Variants in SLIT3 observed in about 807,000 individuals in gnomAD.
The protein encoded by SLIT3 is slit homolog 3 protein.
A neutral mutation model predicts 184.0 loss-of-function variants in SLIT3; 68 were observed. The ratio of observed to expected loss-of-function variants is 0.37; its 90% CI spans 0.30 to 0.45. The LOEUF (loss-of-function observed/expected upper bound fraction) is 0.45. Ranked by LOEUF, SLIT3 falls within the 20% of genes least tolerant of loss-of-function variation. The pLI, the probability that SLIT3 is intolerant of heterozygous loss-of-function variation, is 1.00. For missense variants in SLIT3, 1,707 were observed against 2,026.0 expected (o/e 0.84, Z 3.02); for synonymous variants, 831 against 828.6 (o/e 1.00, Z -0.05).
At chr5:168,996,338 C>T (rs1262925440) in intron 4 of SLIT3, among the ~76,000 whole-genome samples, 1 of 152,118 alleles carries the variant, frequency 6.6e-6, no homozygotes, top group African/African-American at 2.4e-5. Context: ...CTATCCTTTC[C>T]CATTTCACAC....
intron 4 of SLIT3, among the ~76,000 whole-genome samples, chr5:169,175,521 A>G (rs570215221): frequency 2.0e-5 from 3 of 152,296 alleles, no homozygotes; most frequent in Non-Finnish European, 2.9e-5. Context: ...ATAATTATGA[A>G]GATTAAAGGA....
chr5:168,963,977 C>T (rs976230243), intron 4 of SLIT3, among the ~76,000 whole-genome samples: 2 of 152,150 alleles, frequency 1.3e-5, no homozygotes, highest in Non-Finnish European at 2.9e-5. Context: ...TAAATATCAA[C>T]GATTATGATT....
At chr5:168,827,646 T>C (rs1222453208) in intron 6 of SLIT3, among the ~76,000 whole-genome samples, 4 of 152,166 alleles carry the variant, frequency 2.6e-5, no homozygotes, top group Non-Finnish European at 5.9e-5. Context: ...CAGGTCCCTT[T>C]TGCCATGTAA....
chr5:169,267,920 G>C (rs1318663036), intron 1 of SLIT3, among the ~76,000 whole-genome samples: 1 of 152,176 alleles, frequency 6.6e-6, no homozygotes, highest in Non-Finnish European at 1.5e-5. Context: ...ACCAGTCACA[G>C]AGCACATACA....
At position 168,897,165 on chromosome 5, in the gene SLIT3, G is replaced by A. The variant is rs976737446; in HGVS notation, c.414-13829C>T. The stretch of plus-strand genomic sequence containing the variant: ...GTACCCAGGGCGTTAGGCATTGCAG[G>A]TCAACACTAAGAAAATAAGAAGACA... On this transcript the variant is annotated intron_variant, in intron 4 of 35. Transcript: ENST00000519560. Among the ~76,000 whole-genome samples, 5 of 152,204 alleles carry A rather than the reference G, an allele frequency of 3.3e-5. No homozygotes were observed. In the East Asian group the frequency reaches 7.7e-4, roughly 24 times the overall value.
At chr5:168,771,303 G>A (rs1755542942) in intron 14 of SLIT3, among the ~76,000 whole-genome samples, 1 of 152,196 alleles carries the variant, frequency 6.6e-6, no homozygotes, top group South Asian at 2.1e-4. Context: ...CAGGGAGCGG[G>A]TAGGGGTGGG....
chr5:169,222,864 C>T (rs1036815264), intron 3 of SLIT3, among the ~76,000 whole-genome samples: 2 of 152,122 alleles, frequency 1.3e-5, no homozygotes, highest in African/African-American at 2.4e-5. Flanking sequence ...TGAAATCTCC[C>T]CAGCCCACCG....
chr5:169,058,646 T>C (rs1181217543), intron 4 of SLIT3, among the ~76,000 whole-genome samples: 2 of 152,244 alleles, frequency 1.3e-5, no homozygotes, highest in Non-Finnish European at 2.9e-5. Context: ...TGGCTGCTGG[T>C]CTGTGGTTCT....
At chr5:168,729,983 C>T (rs1256576940) in intron 20 of SLIT3, among the ~76,000 whole-genome samples, 2 of 151,904 alleles carry the variant, frequency 1.3e-5, no homozygotes, top group African/African-American at 2.4e-5. Flanking sequence ...GAAACTTATC[C>T]TTCCCATAAA....
intron 8 of SLIT3, among the ~76,000 whole-genome samples, chr5:168,816,681 T>C (rs1199955288): frequency 6.6e-6 from 1 of 152,274 alleles, no homozygotes; most frequent in Non-Finnish European, 1.5e-5. Flanking sequence ...CAGCACATTT[T>C]GTGAGCCCAC....
intron 4 of SLIT3, among the ~76,000 whole-genome samples, chr5:169,020,449 A>T (rs1756557500): frequency 6.6e-6 from 1 of 152,146 alleles, no homozygotes; most frequent in South Asian, 2.1e-4. Context: ...ATTACTCTTA[A>T]TCATGAATTG....
chr5:168,716,144 T>G (rs2113345396), intron 23 of SLIT3, among the ~76,000 whole-genome samples: 1 of 152,280 alleles, frequency 6.6e-6, no homozygotes, highest in African/African-American at 2.4e-5. Context: ...ATTTTTGTAT[T>G]TTTTTAAATT....
intron 6 of SLIT3, among the ~76,000 whole-genome samples, chr5:168,833,368 G>A (rs927426911): frequency 5.9e-5 from 9 of 152,214 alleles, no homozygotes; most frequent in African/African-American, 1.9e-4. Context: ...GAAGCTGAGT[G>A]CAATTTACAG....
chr5:168,895,306 G>C (rs924472301), intron 4 of SLIT3, among the ~76,000 whole-genome samples: 1 of 152,190 alleles, frequency 6.6e-6, no homozygotes, highest in Non-Finnish European at 1.5e-5. Flanking sequence ...TGCCAGGGCA[G>C]GGTGGGGAGG....
chr5:169,173,538 T>C (rs548911583), intron 4 of SLIT3, among the ~76,000 whole-genome samples: 158 of 152,138 alleles, frequency 1.0e-3, no homozygotes, highest in African/African-American at 3.7e-3. Flanking sequence ...TTCCTGAGTG[T>C]GCATTCCTTC....
chr5:168,934,344 A>G (rs1484783460), intron 4 of SLIT3, among the ~76,000 whole-genome samples: 1 of 152,222 alleles, frequency 6.6e-6, no homozygotes, highest in Non-Finnish European at 1.5e-5. Flanking sequence ...TTCTACTTAA[A>G]TAGCCAGTCT....
At chr5:169,249,252 G>A (rs938959344) in intron 2 of SLIT3, among the ~76,000 whole-genome samples, 16 of 152,236 alleles carry the variant, frequency 1.1e-4, no homozygotes, top group African/African-American at 2.9e-4. Flanking sequence ...TTGTCTTTGA[G>A]TTGATAAGGA....
intron 4 of SLIT3, among the ~76,000 whole-genome samples, chr5:169,171,920 T>C (rs1762834201): frequency 6.6e-6 from 1 of 151,738 alleles, no homozygotes; most frequent in Non-Finnish European, 1.5e-5. Flanking sequence ...CTGCCAGAAA[T>C]AGAGTTGAGA....
chr5:168,743,691 C>T lies in SLIT3; in HGVS notation c.2270+4611G>A, dbSNP rs570675260. Among the ~76,000 whole-genome samples, 324 of 152,262 alleles carry T rather than the reference C, an allele frequency of 2.1e-3. 1 individual carries two copies. Among genetic ancestry groups the T allele is most frequent in the African/African-American group, 7.5e-3 (311 of 41,552 alleles). On this transcript the variant is annotated intron_variant, in intron 20 of 35. Transcript: ENST00000519560. ...TTTAGTGAGGAAGACATATCAAAAA[C>T]GAAGACGGATCAAAGCTAGGCCTCT...
Sources: allele counts gnomAD v4.1 joint callset (sites outside exome capture counted in the v4.1 genomes callset), GRCh38; gene constraint gnomAD v4.1.1; transcripts MANE v1.5; gene names NCBI Gene and HGNC (gene_info 2026-07-23, HGNC 2026-07-21).